HIVEP3: variants seen among roughly 807,000 people sequenced by gnomAD.
The protein encoded by HIVEP3 is transcription factor HIVEP3.
HIVEP3 carries 49 observed loss-of-function variants against 152.8 expected under a neutral mutation model. The observed-to-expected ratio is 0.32, with a 90% CI of 0.26 to 0.41. The LOEUF (loss-of-function observed/expected upper bound fraction) is 0.41, where lower values mean the gene tolerates loss of function less well. Ranked by LOEUF, HIVEP3 falls within the 10% of genes least tolerant of loss-of-function variation. The probability of loss-of-function intolerance (pLI) is 1.00; values close to 1 mark genes in which losing one functional copy is unlikely to be tolerated. For missense variants in HIVEP3, 2,790 were observed against 3,103.3 expected (o/e 0.90, Z 2.40); for synonymous variants, 1,269 against 1,289.0 (o/e 0.98, Z 0.33).
At chr1:42,003,456 G>A (rs1434302860) in intron 1 of HIVEP3, among the ~76,000 whole-genome samples, 2 of 152,172 alleles carry the variant, frequency 1.3e-5, no homozygotes, top group Admixed American at 1.3e-4. Context: ...TTTCTGAGCT[G>A]TTTTCCAAAG....
At chr1:41,723,100 CT>C (rs1414139689) in intron 1 of HIVEP3, among the ~76,000 whole-genome samples, 1 of 152,018 alleles carries the variant, frequency 6.6e-6, no homozygotes, top group Admixed American at 6.5e-5. Flanking sequence ...GGTTTGTGTT[CT>C]AGAAAGATCC....
chr1:41,750,653 C>T (rs906079163), intron 1 of HIVEP3, among the ~76,000 whole-genome samples: 4 of 151,566 alleles, frequency 2.6e-5, no homozygotes, highest in African/African-American at 9.7e-5. Flanking sequence ...TTGAAAATCT[C>T]TGTAGATTGG....
intron 1 of HIVEP3, among the ~76,000 whole-genome samples, chr1:41,900,850 G>A (rs1015581094): frequency 6.6e-6 from 1 of 152,158 alleles, no homozygotes; most frequent in African/African-American, 2.4e-5. Context: ...GGCTGGAGAA[G>A]TAGGCAGGGC....
intron 1 of HIVEP3, among the ~76,000 whole-genome samples, chr1:41,956,082 G>A (rs1419475705): frequency 6.6e-6 from 1 of 152,196 alleles, no homozygotes. Context: ...ACCTCCTCTG[G>A]TGCTAACACC....
intron 1 of HIVEP3, among the ~76,000 whole-genome samples, chr1:41,798,366 T>C (rs978083857): frequency 1.3e-5 from 2 of 152,108 alleles, no homozygotes; most frequent in African/African-American, 2.4e-5. Context: ...GTCAGCACCA[T>C]TGAGTTCCTA....
intron 1 of HIVEP3, among the ~76,000 whole-genome samples, chr1:41,874,435 T>C (rs150365096): frequency 1.3e-5 from 2 of 152,200 alleles, no homozygotes; most frequent in Non-Finnish European, 2.9e-5. Context: ...TTCCTGGGCC[T>C]GGTATGTCTA....
At chr1:41,546,532 T>C (rs899332522) in intron 5 of HIVEP3, among the ~76,000 whole-genome samples, 1 of 152,204 alleles carries the variant, frequency 6.6e-6, no homozygotes, top group Non-Finnish European at 1.5e-5. Flanking sequence ...GAGGGACCTG[T>C]GCTCATCTCC....
intron 8 of HIVEP3, among the ~76,000 whole-genome samples, chr1:41,512,249 CG>C (rs1642448820): frequency 6.6e-6 from 1 of 152,004 alleles, no homozygotes; most frequent in African/African-American, 2.4e-5. Flanking sequence ...GTCATGGGGA[CG>C]GATCCCTCAG....
intron 5 of HIVEP3, among the ~76,000 whole-genome samples, chr1:41,547,401 C>T (rs930476897): frequency 6.6e-5 from 10 of 152,026 alleles, no homozygotes; most frequent in African/African-American, 2.4e-4. Context: ...TTGGGGAGGG[C>T]CAGGGAGGCT....
Position 41,580,155 on chromosome 1 carries a change from G to A in HIVEP3, c.4643C>T (p.Pro1548Leu), listed in dbSNP as rs1292614521. 1.1e-5 allele frequency: 18 copies of A among 1,613,606 alleles called. No individual in the cohort carries two copies. Among genetic ancestry groups the A allele is most frequent in the Admixed American group, 3.3e-5 (2 of 59,988 alleles). The stretch of plus-strand genomic sequence containing the variant: ...GGAATCTTCTTTCTTCACGCTCAGT[G>A]GGGTCAACCCTCTTCGGTGAGGTTT... ...SGKPHRRGLT[P>L]LSVKKEDSKE... The change falls in exon 4 of 9, where the codon CCA becomes CTA. Residue 1548 changes from proline (P) to leucine (L), a missense_variant. Transcript: ENST00000372583.
At chr1:41,815,631 A>AC (rs1651212378) in intron 1 of HIVEP3, among the ~76,000 whole-genome samples, 1 of 152,038 alleles carries the variant, frequency 6.6e-6, no homozygotes, top group South Asian at 2.1e-4. Flanking sequence ...CTGACCCATA[A>AC]CAGGCCTCAG....
intron 3 of HIVEP3, among the ~76,000 whole-genome samples, chr1:41,605,183 G>GAGGGA (rs550307444): frequency 0.068 from 7,836 of 115,426 alleles, 350 homozygotes; most frequent in Middle Eastern, 0.11. Flanking sequence ...GAGGGGAGGG[G>GAGGGA]AGGGAAGGGA....
At chr1:41,998,827 T>C (rs773141387) in intron 1 of HIVEP3, among the ~76,000 whole-genome samples, 1 of 152,052 alleles carries the variant, frequency 6.6e-6, no homozygotes, top group Non-Finnish European at 1.5e-5. Flanking sequence ...GCCACTCTTA[T>C]TTTGATAGCA....
intron 1 of HIVEP3, among the ~76,000 whole-genome samples, chr1:41,759,239 C>T (rs148106193): frequency 1.1e-4 from 16 of 151,522 alleles, no homozygotes; most frequent in African/African-American, 2.7e-4. Context: ...TGTAGATTTG[C>T]TCATTTTGGG....
chr1:41,806,392 T>C, intron 1 of HIVEP3, among the ~76,000 whole-genome samples: 1 of 152,228 alleles, frequency 6.6e-6, no homozygotes, highest in East Asian at 1.9e-4. Flanking sequence ...TCACCCCCTC[T>C]GAAGCATGTC....
At chr1:41,897,934 AGAGG>A (rs1379278749) in intron 1 of HIVEP3, among the ~76,000 whole-genome samples, 3 of 108,500 alleles carry the variant, frequency 2.8e-5, no homozygotes, top group Non-Finnish European at 5.5e-5. Flanking sequence ...GACCTGAGAG[AGAGG>A]GAGAGAGAGA....
In HIVEP3 at chr1:41,583,469, C is replaced by G. The variant is rs2475842; in HGVS notation, c.1329G>C (p.Leu443=). The change falls in exon 4 of 9, where the codon CTG becomes CTC. Residue 443 remains leucine (L), a synonymous_variant. Coordinates refer to ENST00000372583, the MANE Select transcript of HIVEP3 (RefSeq NM_024503.5). This position sits in a 1 kb window ranked among gnomAD's most constrained non-coding sequence, Gnocchi z 6.9. ...CCAGGCTGGGCTTGTCTTCGGTGGA[C>G]AGGGGCAGGAGGGGCTGGGTGGAGG... ...TATSTQPLLP[L]STEDKPSLVP... 0.99 allele frequency: 1,601,030 copies of G among 1,613,904 alleles called. 794,991 individuals are homozygous for G. Among genetic ancestry groups the G allele is most frequent in the East Asian group, 1 (44,842 of 44,842 alleles).
intron 1 of HIVEP3, among the ~76,000 whole-genome samples, chr1:41,834,484 G>A (rs1438007038): frequency 2.6e-5 from 4 of 152,172 alleles, no homozygotes; most frequent in Admixed American, 2.6e-4. Context: ...GCTATGACTG[G>A]ATAATCATCC....
chr1:41,854,462 G>T (rs1186018534), intron 1 of HIVEP3, among the ~76,000 whole-genome samples: 1 of 150,216 alleles, frequency 6.7e-6, no homozygotes, highest in Non-Finnish European at 1.5e-5. Flanking sequence ...TGCCCATGCC[G>T]ATCCCTGTGT....
Sources: gnomAD v4.1 joint callset for allele counts (sites outside exome capture counted in the v4.1 genomes callset) on GRCh38, gnomAD v4.1.1 for gene constraint, Gnocchi (gnomAD v3.1) non-coding constraint, MANE v1.5 for transcripts, NCBI Gene and HGNC (gene_info 2026-07-23, HGNC 2026-07-21) for gene names.